The following TES variants were observed in gnomAD, a reference collection of about 807,000 sequenced individuals.
TES encodes testin LIM domain protein, also known as testin.
A neutral mutation model predicts 48.2 loss-of-function variants in TES; 41 were observed. That is an observed-to-expected ratio of 0.85 (90% CI 0.66 to 1.10). The LOEUF (loss-of-function observed/expected upper bound fraction) is 1.10, where lower values mean the gene tolerates loss of function less well. Among genes scored for constraint, TES ranks in the 50% least tolerant of loss-of-function variants. The probability of loss-of-function intolerance (pLI) is 0.00; values close to 1 mark genes in which losing one functional copy is unlikely to be tolerated. For missense variants in TES, 463 were observed against 515.1 expected (o/e 0.90, Z 0.98); for synonymous variants, 162 against 174.9 (o/e 0.93, Z 0.58).
intron 6 of TES, among the ~76,000 whole-genome samples, chr7:116,253,843 TGTGTGTGGGTGG>T (rs1563016088): frequency 6.6e-6 from 1 of 151,728 alleles, no homozygotes; most frequent in African/African-American, 2.4e-5. Context: ...CCCAATGGTG[TGTGTGTGGGTGG>T]GTGTGTGGGG....
chr7:116,247,318 A>G (rs1347370938), intron 2 of TES, among the ~76,000 whole-genome samples: 4 of 152,186 alleles, frequency 2.6e-5, no homozygotes, highest in Non-Finnish European at 5.9e-5. Flanking sequence ...AACCTTGGAT[A>G]ATAGCTATAA....
intron 1 of TES, among the ~76,000 whole-genome samples, chr7:116,229,106 T>C (rs907004053): frequency 1.3e-5 from 2 of 150,508 alleles, no homozygotes; most frequent in African/African-American, 4.9e-5. Flanking sequence ...TTGGTTATAT[T>C]TGTCCAAGGG....
chr7:116,226,918 G>A (rs1015684984), intron 1 of TES, among the ~76,000 whole-genome samples: 1 of 152,034 alleles, frequency 6.6e-6, no homozygotes, highest in African/African-American at 2.4e-5. Context: ...GGAAGTTTTT[G>A]TTTTTATTAG....
At chr7:116,213,233 C>T (rs1357157971) in intron 1 of TES, among the ~76,000 whole-genome samples, 1 of 152,124 alleles carries the variant, frequency 6.6e-6, no homozygotes, top group Admixed American at 6.5e-5. Flanking sequence ...ATTTTGGTAC[C>T]TAGTTTTCAA....
intron 2 of TES, among the ~76,000 whole-genome samples, chr7:116,244,202 C>T (rs1799891163): frequency 6.6e-6 from 1 of 152,180 alleles, no homozygotes; most frequent in African/African-American, 2.4e-5. Context: ...CCAACAGTCC[C>T]CCAAAGTCTT....
chr7:116,226,722 G>C (rs949073548), intron 1 of TES, among the ~76,000 whole-genome samples: 1 of 152,170 alleles, frequency 6.6e-6, no homozygotes, highest in Non-Finnish European at 1.5e-5. Context: ...ATGAACACTC[G>C]AGTGCAGATG....
chr7:116,217,161 G>A (rs369015270), intron 1 of TES, among the ~76,000 whole-genome samples: 3 of 152,112 alleles, frequency 2.0e-5, no homozygotes, highest in African/African-American at 7.2e-5. Flanking sequence ...AGTACGCTAT[G>A]TTTCTAACAC....
intron 4 of TES, among the ~76,000 whole-genome samples, chr7:116,250,890 C>T (rs1554439238): frequency 6.6e-6 from 1 of 152,202 alleles, no homozygotes; most frequent in South Asian, 2.1e-4. Context: ...CTTGTGAGAA[C>T]GTGCCTAAAA....
At position 116,235,637 on chromosome 7, in the gene TES, A is replaced by ATAGTGGTAATTCACAAGT. The variant is rs531920294; in HGVS notation, c.113+1019_113+1036dup. ...GTGCTTATGAATGACTGTCAAGTCCATAGTGGTAATTCACAAGTCTGCTCA... is the reference window on the plus strand; with the variant it reads ...GTGCTTATGAATGACTGTCAAGTCCATAGTGGTAATTCACAAGTTAGTGGTAATTCACAAGTCTGCTCA... On this transcript the variant is annotated intron_variant, in intron 2 of 6. Transcript: ENST00000358204. Among the ~76,000 whole-genome samples the ATAGTGGTAATTCACAAGT allele has an allele frequency of 2.9e-4, 44 of 152,324 alleles. No homozygotes were observed. The South Asian group carries it at 8.7e-3, about 30-fold the overall frequency.
intron 5 of TES, 73 bp downstream of exon 5, chr7:116,252,048 A>T: frequency 6.9e-7 from 1 of 1,450,572 alleles, no homozygotes; most frequent in Non-Finnish European, 9.6e-7. Context: ...CTAGAAGGCA[A>T]CAAGACTTGA....
chr7:116,217,898 A>T lies in TES; in HGVS notation c.27+7164A>T, dbSNP rs373083915. On this transcript the variant is annotated intron_variant, in intron 1 of 6. Transcript: ENST00000358204. ...TGTCTACCTAACATTCTAGTTAGAT[A>T]ATGGGGAATTAGAGCGATAAGGATA... The T allele has an allele frequency of 1.1e-4, 56 of 513,850 alleles. No homozygotes were observed. The East Asian group carries it at 2.2e-3, about 20-fold the overall frequency. The allele number at this position is 513,850 out of a possible 1,614,324, so 31.8% of individuals were successfully genotyped here. A position where few individuals can be genotyped will look rare whatever the true frequency, so the allele number is the denominator to read the frequency against.
At chr7:116,212,588 A>G (rs1029985367) in intron 1 of TES, among the ~76,000 whole-genome samples, 4 of 152,178 alleles carry the variant, frequency 2.6e-5, no homozygotes, top group Non-Finnish European at 5.9e-5. Flanking sequence ...TCTGTTTAAT[A>G]GGGGGAGAAA....
At chr7:116,245,597 T>C (rs1157572282) in intron 2 of TES, among the ~76,000 whole-genome samples, 2 of 152,190 alleles carry the variant, frequency 1.3e-5, no homozygotes, top group South Asian at 2.1e-4. Flanking sequence ...CACATCAACC[T>C]GTCTTCTTAG....
At chr7:116,234,453 T>C (rs890050759) in intron 1 of TES, 81 bp from the exon 2 acceptor site, 1 of 1,204,196 alleles carries the variant, frequency 8.3e-7, no homozygotes, top group Non-Finnish European at 1.2e-6. Context: ...AAGTGGTAAG[T>C]GGAATTAAAA....
intron 2 of TES, among the ~76,000 whole-genome samples, chr7:116,244,360 C>T (rs143330053): frequency 0.022 from 3,363 of 152,288 alleles, 61 homozygotes; most frequent in Non-Finnish European, 0.03. Context: ...TAAATACAGC[C>T]ATTCCAAATG....
chr7:116,252,197 A>T, intron 5 of TES, 121 bp from the exon 6 acceptor site: 3 of 1,144,708 alleles, frequency 2.6e-6, no homozygotes, highest in South Asian at 3.3e-5. Flanking sequence ...AAACTAAGTG[A>T]TAGCATAAGT....
At chr7:116,250,752 T>A (rs904807880) in intron 4 of TES, among the ~76,000 whole-genome samples, 6 of 152,196 alleles carry the variant, frequency 3.9e-5, no homozygotes, top group African/African-American at 1.4e-4. Context: ...AGACAGTAGT[T>A]GGTATTGGCA....
chr7:116,237,576 A>AC lies in TES; in HGVS notation c.113+2959dup, dbSNP rs1799788167. On this transcript the variant is annotated intron_variant, in intron 2 of 6. Transcript: ENST00000358204. ...TGGTGTTCTCTGCCTGGAAAACCCT[A>AC]CCTCCCACCACTAGGAAACAAAAAG... 2.6e-5 allele frequency among the ~76,000 whole-genome samples: 4 copies of AC among 151,808 alleles called. No individual in the cohort carries two copies. The South Asian group carries it at 8.3e-4, about 32-fold the overall frequency.
intron 6 of TES, among the ~76,000 whole-genome samples, chr7:116,253,344 C>T (rs1800046018): frequency 6.6e-6 from 1 of 152,130 alleles, no homozygotes; most frequent in Non-Finnish European, 1.5e-5. Flanking sequence ...GCCCCAGATA[C>T]AGTTATTCAT....
Sources: allele counts gnomAD v4.1 joint callset (sites outside exome capture counted in the v4.1 genomes callset), GRCh38; gene constraint gnomAD v4.1.1; transcripts MANE v1.5; gene names NCBI Gene and HGNC (gene_info 2026-07-23, HGNC 2026-07-21).